NR5A2: variants seen among roughly 807,000 people sequenced by gnomAD.
NR5A2 encodes the protein nuclear receptor subfamily 5 group A member 2.
In NR5A2, 26 loss-of-function variants were observed where a neutral mutation model predicts 62.7. The observed-to-expected ratio is 0.41, with a 90% CI of 0.30 to 0.58. NR5A2 has a LOEUF of 0.58. Ranked by LOEUF, NR5A2 falls within the 20% of genes least tolerant of loss-of-function variation. The probability of loss-of-function intolerance (pLI) is 0.22; values close to 1 mark genes in which losing one functional copy is unlikely to be tolerated. For synonymous variants in NR5A2, 246 were observed against 241.7 expected (o/e 1.02, Z -0.16); for missense variants, 541 against 669.1 (o/e 0.81, Z 2.11).
rs1237669988 is a variant in NR5A2, at chr1:200,144,231, TCTCACACACA to T, written c.1378+23278_1378+23287del. ...AGCACTGTTTCTCTCTCTCTCTCTC[TCTCACACACA>T]CACACACACACACACACACACACAC... On this transcript the variant is annotated intron_variant, in intron 7 of 7. Transcript: ENST00000367362. Among the ~76,000 whole-genome samples the T allele has an allele frequency of 1.1e-4, 8 of 70,808 alleles. 1 individual carries two copies. The highest frequency in any genetic ancestry group is 1.1e-3 in the South Asian group (2 of 1,858). The allele number at this position is 70,808 out of a possible 152,430, so 46.5% of individuals were successfully genotyped here. A position where few individuals can be genotyped will look rare whatever the true frequency, so the allele number is the denominator to read the frequency against.
chr1:200,131,153 C>G (rs1666954573), intron 7 of NR5A2, among the ~76,000 whole-genome samples: 1 of 152,126 alleles, frequency 6.6e-6, no homozygotes, highest in African/African-American at 2.4e-5. Context: ...AATATTTACA[C>G]CATAGAGATT....
At chr1:200,098,515 A>G in intron 5 of NR5A2, among the ~76,000 whole-genome samples, 1 of 152,236 alleles carries the variant, frequency 6.6e-6, no homozygotes, top group Non-Finnish European at 1.5e-5. Context: ...TTACTCTTAT[A>G]TGAAAGAGGC....
At chr1:200,107,299 G>A (rs1217474401) in intron 5 of NR5A2, among the ~76,000 whole-genome samples, 1 of 92,676 alleles carries the variant, frequency 1.1e-5, no homozygotes, top group Non-Finnish European at 2.0e-5. Context: ...CATTTATTAA[G>A]TGGCTTTTTT....
At chr1:200,045,842 T>C (rs1046455034) in intron 4 of NR5A2, among the ~76,000 whole-genome samples, 1 of 152,082 alleles carries the variant, frequency 6.6e-6, no homozygotes, top group East Asian at 1.9e-4. Context: ...GGGGAGCAGA[T>C]GCATTAGACA....
chr1:200,122,576 G>A (rs1666526155), intron 7 of NR5A2, among the ~76,000 whole-genome samples: 1 of 152,150 alleles, frequency 6.6e-6, no homozygotes, highest in African/African-American at 2.4e-5. Flanking sequence ...ACTATAAGGA[G>A]GGGGTTGGGC....
In NR5A2 at chr1:200,066,588, C is replaced by CTTTTTTTTTTTTTTTTTTTTTT. The variant is rs756874909; in HGVS notation, c.1110+17787_1110+17788insTTTTTTTTTTTTTTTTTTTTTT. Among the ~76,000 whole-genome samples the CTTTTTTTTTTTTTTTTTTTTTT allele has an allele frequency of 1.2e-4, 14 of 113,142 alleles. 1 individual carries two copies. The highest frequency in any genetic ancestry group is 3.7e-4 in the African/African-American group (9 of 24,452). The allele number at this position is 113,142 out of a possible 152,430, so 74.2% of individuals were successfully genotyped here. ...CCCTGCCATCTATTTAATTAATTAT[C>CTTTTTTTTTTTTTTTTTTTTTT]TTTTTTTTTTTTTTTTTGAGAGGGA... On this transcript the variant is annotated intron_variant, in intron 5 of 7. Transcript: ENST00000367362.
At chr1:200,166,878 T>C (rs1653928400) in intron 7 of NR5A2, among the ~76,000 whole-genome samples, 1 of 152,252 alleles carries the variant, frequency 6.6e-6, no homozygotes, top group African/African-American at 2.4e-5. Context: ...AAAACATATG[T>C]TAAAGACACT....
At chr1:200,028,140 T>C (rs2102127859) in intron 1 of NR5A2, among the ~76,000 whole-genome samples, 1 of 152,330 alleles carries the variant, frequency 6.6e-6, no homozygotes, top group Non-Finnish European at 1.5e-5. Flanking sequence ...TAGTGTTTAC[T>C]GGTGTCATTC....
At chr1:200,145,468 T>TTGTGTGTGTGTGTGTGTGTGTGTG (rs66885184) in intron 7 of NR5A2, among the ~76,000 whole-genome samples, 1 of 142,114 alleles carries the variant, frequency 7.0e-6, no homozygotes, top group African/African-American at 2.6e-5. Flanking sequence ...TTGATAGAAT[T>TTGTGTGTGTGTGTGTGTGTGTGTG]TGTGTGTGTG....
chr1:200,135,521 C>CAA (rs565158746), intron 7 of NR5A2, among the ~76,000 whole-genome samples: 9 of 103,328 alleles, frequency 8.7e-5, no homozygotes, highest in East Asian at 2.6e-4. Flanking sequence ...ACTTCATCTC[C>CAA]AAAAAAAAAA....
chr1:200,039,761 T>G lies in NR5A2; in HGVS notation c.168T>G (p.His56Gln), dbSNP rs753803795. 1.2e-6 allele frequency: 2 copies of G among 1,609,390 alleles called. No individual in the cohort carries two copies. The highest frequency in any genetic ancestry group is 1.3e-5 in the African/African-American group (1 of 74,244). The change falls in exon 2 of 8, where the codon CAT (histidine) becomes CAG (glutamine). Residue 56 changes from histidine to glutamine, a missense_variant. Around this residue, in one of 3 missense-constraint regions of NR5A2, gnomAD observed 108 missense variants for 103.3 expected, o/e 1.05. Coordinates refer to ENST00000367362, the MANE Select transcript of NR5A2 (RefSeq NM_205860.3). The surrounding 1 kb of genome is among the most constrained non-coding windows in gnomAD (Gnocchi z 5.1). ...ETEALGLARS[H>Q]GEQGQMPENM... ...AAGCCCTGGGACTGGCTCGATCGCA[T>G]GGGGAACAGGGCCAGATGCCGGAAA...
chr1:200,056,581 TTCG>T (rs1662926168), intron 5 of NR5A2, among the ~76,000 whole-genome samples: 1 of 152,206 alleles, frequency 6.6e-6, no homozygotes, highest in Non-Finnish European at 1.5e-5. Context: ...ATTTGCTTTA[TTCG>T]TTGAGTATAC....
intron 7 of NR5A2, among the ~76,000 whole-genome samples, chr1:200,121,458 A>G (rs1276965713): frequency 1.3e-5 from 2 of 152,244 alleles, no homozygotes; most frequent in African/African-American, 2.4e-5. Context: ...CCACTATGCA[A>G]GTACAAAAGA....
intron 6 of NR5A2, among the ~76,000 whole-genome samples, chr1:200,114,097 C>T (rs928160974): frequency 4.6e-5 from 7 of 151,988 alleles, no homozygotes; most frequent in African/African-American, 1.2e-4. Context: ...GCAGGAGAAT[C>T]GCTTGAACCC....
In NR5A2 at chr1:200,066,157, G is replaced by C. The variant is rs150920390; in HGVS notation, c.1110+17339G>C. ...AGTATACAGGAGGTCCATCACCCCA[G>C]GGGAGAGATGGAGAGATGGTGGCTT... is the stretch of plus-strand genomic sequence containing the variant. On this transcript the variant is annotated intron_variant, in intron 5 of 7. Coordinates refer to ENST00000367362, the MANE Select transcript of NR5A2 (RefSeq NM_205860.3). Among the ~76,000 whole-genome samples the C allele has an allele frequency of 4.2e-3, 647 of 152,278 alleles. 5 individuals carry two copies. The highest frequency in any genetic ancestry group is 0.015 in the African/African-American group (621 of 41,540).
chr1:200,073,269 TATA>T (rs1663831232), intron 5 of NR5A2, among the ~76,000 whole-genome samples: 1 of 17,758 alleles, frequency 5.6e-5, no homozygotes, highest in African/African-American at 3.8e-4. Context: ...TATTCCCCTT[TATA>T]TATATATATA....
rs1667738758 is a variant in NR5A2 at position 200,147,107 on chromosome 1, G to C, written c.1378+26152G>C. Among the ~76,000 whole-genome samples, 1 of 152,100 alleles carries C rather than the reference G, an allele frequency of 6.6e-6. No homozygotes were observed. The highest frequency in any genetic ancestry group is 1.5e-5 in the Non-Finnish European group (1 of 68,018). On this transcript the variant is annotated intron_variant, in intron 7 of 7. Coordinates refer to ENST00000367362, the MANE Select transcript of NR5A2 (RefSeq NM_205860.3). The surrounding 1 kb of genome is among the most constrained non-coding windows in gnomAD (Gnocchi z 4.9). ...AGATAAATTGCCCAAAATAAATAAG[G>C]GCTGGTGAGGAAAATAAAAAATGTT...
chr1:200,060,603 G>T (rs1206910535), intron 5 of NR5A2, among the ~76,000 whole-genome samples: 3 of 152,108 alleles, frequency 2.0e-5, no homozygotes, highest in Admixed American at 2.0e-4. Context: ...AGGTGTAAGG[G>T]TTTCTGTCCA....
At chr1:200,122,012 T>C (rs1047026960) in intron 7 of NR5A2, among the ~76,000 whole-genome samples, 1 of 152,206 alleles carries the variant, frequency 6.6e-6, no homozygotes, top group African/African-American at 2.4e-5. Context: ...ATTTTTCATG[T>C]ATAGTCAACA....
Sources: gnomAD v4.1 joint callset for allele counts (sites outside exome capture counted in the v4.1 genomes callset) on GRCh38, gnomAD v4.1.1 for gene constraint, gnomAD v4.1.1 regional missense constraint, Gnocchi (gnomAD v3.1) non-coding constraint, MANE v1.5 for transcripts, NCBI Gene and HGNC (gene_info 2026-07-23, HGNC 2026-07-21) for gene names.